Variants in TASP1 observed in about 807,000 individuals in gnomAD.
The protein encoded by TASP1 is threonine aspartase 1.
A neutral mutation model predicts 56.6 loss-of-function variants in TASP1; 16 were observed. The ratio of observed to expected loss-of-function variants is 0.28; its 90% CI spans 0.19 to 0.43. The LOEUF is 0.43. Among genes scored for constraint, TASP1 ranks in the 20% least tolerant of loss-of-function variants. The pLI is 1.00. For missense variants in TASP1, 393 were observed against 511.6 expected, an observed-to-expected ratio of 0.77 and a Z score of 2.24; for synonymous variants, 179 against 184.2, an observed-to-expected ratio of 0.97 and a Z score of 0.23.
chr20:13,613,338 T>C (rs1217176639), intron 4 of TASP1, among the ~76,000 whole-genome samples: 1 of 152,174 alleles, frequency 6.6e-6, no homozygotes, highest in African/African-American at 2.4e-5. Context: ...AAGTAGTTGC[T>C]AACTACAGCT....
intron 10 of TASP1, among the ~76,000 whole-genome samples, chr20:13,499,813 A>C (rs1251619677): frequency 6.6e-6 from 1 of 152,182 alleles, no homozygotes; most frequent in Non-Finnish European, 1.5e-5. Flanking sequence ...AATAATAAAA[A>C]TCACACCTTT....
At chr20:13,468,865 G>GT (rs59010427) in intron 11 of TASP1, among the ~76,000 whole-genome samples, 6,909 of 142,562 alleles carry the variant, frequency 0.048, 234 homozygotes, top group African/African-American at 0.094. Flanking sequence ...ATGTGTGTGT[G>GT]TTTTTTTTTT....
At chr20:13,558,085 A>G (rs1478418029) in intron 8 of TASP1, among the ~76,000 whole-genome samples, 3 of 152,214 alleles carry the variant, frequency 2.0e-5, no homozygotes, top group Non-Finnish European at 4.4e-5. Context: ...CCAAGAAAAT[A>G]TCTATCACTA....
the TASP1 span, among the ~76,000 whole-genome samples, chr20:13,367,114 C>T: frequency 5.3e-5 from 8 of 152,144 alleles, no homozygotes; most frequent in Non-Finnish European, 1.0e-4. Context: ...AACTGGACAG[C>T]CTATATTACT....
At chr20:13,458,181 A>G (rs2043916508) in intron 11 of TASP1, among the ~76,000 whole-genome samples, 1 of 152,176 alleles carries the variant, frequency 6.6e-6, no homozygotes, top group Non-Finnish European at 1.5e-5. Context: ...TCAATCCGAA[A>G]TATTTCAAAA....
chr20:13,142,949 G>A, the TASP1 span, among the ~76,000 whole-genome samples: 1 of 152,126 alleles, frequency 6.6e-6, no homozygotes, highest in Non-Finnish European at 1.5e-5. Flanking sequence ...CTTCAGAGAT[G>A]TTCACCTGTA....
At chr20:13,228,770 G>A in the TASP1 span, among the ~76,000 whole-genome samples, 1 of 152,118 alleles carries the variant, frequency 6.6e-6, no homozygotes, top group Non-Finnish European at 1.5e-5. Flanking sequence ...ACTCCTGTTA[G>A]AGATTGAAAC....
At chr20:13,302,056 G>A in the TASP1 span, among the ~76,000 whole-genome samples, 1 of 152,192 alleles carries the variant, frequency 6.6e-6, no homozygotes, top group Admixed American at 6.5e-5. Context: ...TGAAAACCGG[G>A]AGTTTAAGGT....
chr20:13,156,504 G>A, the TASP1 span, among the ~76,000 whole-genome samples: 1 of 152,202 alleles, frequency 6.6e-6, no homozygotes, highest in Admixed American at 6.5e-5. Flanking sequence ...TCTTGGACAA[G>A]TTACTCAGCT....
At chr20:13,262,958 A>G in the TASP1 span, among the ~76,000 whole-genome samples, 5 of 152,224 alleles carry the variant, frequency 3.3e-5, no homozygotes, top group African/African-American at 4.8e-5. Context: ...GCTATTAGTC[A>G]GACCGTGACA....
At chr20:13,377,499 A>G in the TASP1 span, among the ~76,000 whole-genome samples, 1 of 152,186 alleles carries the variant, frequency 6.6e-6, no homozygotes, top group East Asian at 1.9e-4. Flanking sequence ...GGATTTTTGC[A>G]TCAGTGTTCA....
chr20:13,121,665 A>C, the TASP1 span, among the ~76,000 whole-genome samples: 1 of 152,064 alleles, frequency 6.6e-6, no homozygotes, highest in Non-Finnish European at 1.5e-5. Context: ...CATAGCACCC[A>C]ATGGGGGAAC....
intron 11 of TASP1, among the ~76,000 whole-genome samples, chr20:13,439,742 A>G (rs1413798326): frequency 6.6e-6 from 1 of 152,168 alleles, no homozygotes; most frequent in Non-Finnish European, 1.5e-5. Flanking sequence ...CAAAACAAGA[A>G]CAAAAAAATT....
intron 8 of TASP1, among the ~76,000 whole-genome samples, chr20:13,555,965 T>C (rs1196107194): frequency 2.0e-5 from 3 of 152,170 alleles, no homozygotes; most frequent in Admixed American, 1.3e-4. Context: ...AGGTATTCTA[T>C]TAGCTTTGGG....
intron 6 of TASP1, among the ~76,000 whole-genome samples, chr20:13,578,742 G>T (rs1394492253): frequency 1.3e-5 from 2 of 152,158 alleles, no homozygotes; most frequent in African/African-American, 4.8e-5. Flanking sequence ...AGATGACACT[G>T]TTATCATAGA....
At chr20:13,472,305 C>T (rs1171359270) in intron 11 of TASP1, among the ~76,000 whole-genome samples, 1 of 150,842 alleles carries the variant, frequency 6.6e-6, no homozygotes, top group Non-Finnish European at 1.5e-5. Flanking sequence ...AACTGGATCC[C>T]CTCTTTACAC....
chr20:13,125,941 G>A, the TASP1 span, among the ~76,000 whole-genome samples: 1 of 152,202 alleles, frequency 6.6e-6, no homozygotes, highest in Non-Finnish European at 1.5e-5. Context: ...AGCTATTTTT[G>A]TAAACACTGC....
the TASP1 span, among the ~76,000 whole-genome samples, chr20:13,381,019 G>T: frequency 6.6e-6 from 1 of 152,292 alleles, no homozygotes; most frequent in East Asian, 1.9e-4. Context: ...GGCTCCATGG[G>T]GGTGGGATCT....
the TASP1 span, among the ~76,000 whole-genome samples, chr20:13,129,619 T>C: frequency 6.6e-6 from 1 of 152,186 alleles, no homozygotes; most frequent in South Asian, 2.1e-4. Flanking sequence ...ATTTCCGGAG[T>C]CCTTTGGTCT....
Sources: allele counts gnomAD v4.1 joint callset (sites outside exome capture counted in the v4.1 genomes callset), GRCh38; gene constraint gnomAD v4.1.1; transcripts MANE v1.5; gene names NCBI Gene and HGNC (gene_info 2026-07-23, HGNC 2026-07-21).